The following MYRIP variants were observed in gnomAD, a reference collection of about 807,000 sequenced individuals.
The protein encoded by MYRIP is myosin VIIA and Rab interacting protein.
Under a neutral mutation model 98.0 loss-of-function variants are expected in MYRIP, and 49 were observed. The observed-to-expected ratio is 0.50, with a 90% CI of 0.40 to 0.63. The LOEUF is 0.63. Ranked by LOEUF, MYRIP falls within the 30% of genes least tolerant of loss-of-function variation. The pLI, the probability that MYRIP is intolerant of heterozygous loss-of-function variation, is 0.00. For synonymous variants in MYRIP, 404 were observed against 409.5 expected, an observed-to-expected ratio of 0.99 and a Z score of 0.16; for missense variants, 1,004 against 1,058.2, an observed-to-expected ratio of 0.95 and a Z score of 0.71.
chr3:39,855,167 G>C (rs1025811458), intron 1 of MYRIP, among the ~76,000 whole-genome samples: 2 of 152,200 alleles, frequency 1.3e-5, no homozygotes, highest in African/African-American at 4.8e-5. Flanking sequence ...AAAATTTCTG[G>C]TTAGCCAAGA....
At chr3:39,892,420 C>A (rs536172061) in intron 1 of MYRIP, among the ~76,000 whole-genome samples, 1 of 152,084 alleles carries the variant, frequency 6.6e-6, no homozygotes, top group Non-Finnish European at 1.5e-5. Flanking sequence ...AAGGCAGAGG[C>A]CTTAGGGGTT....
intron 16 of MYRIP, among the ~76,000 whole-genome samples, chr3:40,255,064 TCA>T (rs1365293164): frequency 1.3e-5 from 2 of 152,198 alleles, no homozygotes; most frequent in Non-Finnish European, 2.9e-5. Flanking sequence ...ATAGCTCTAC[TCA>T]CTGCCTTCTC....
At chr3:40,052,694 AT>A (rs1164980040) in intron 3 of MYRIP, among the ~76,000 whole-genome samples, 2 of 152,154 alleles carry the variant, frequency 1.3e-5, no homozygotes, top group Admixed American at 1.3e-4. Context: ...ATGTAAGATA[AT>A]TTTTTAAATG....
At chr3:40,119,698 C>T (rs188408871) in intron 3 of MYRIP, among the ~76,000 whole-genome samples, 14 of 152,062 alleles carry the variant, frequency 9.2e-5, no homozygotes, top group African/African-American at 3.4e-4. Context: ...TGTTCTCATT[C>T]ATAGGTGGGA....
intron 2 of MYRIP, among the ~76,000 whole-genome samples, chr3:40,013,546 GT>G (rs1375699313): frequency 6.6e-6 from 1 of 152,240 alleles, no homozygotes; most frequent in Non-Finnish European, 1.5e-5. Context: ...AACCTCTGTT[GT>G]TTTCTGTGGC....
chr3:39,837,302 C>T (rs867921295), intron 1 of MYRIP, among the ~76,000 whole-genome samples: 2 of 152,138 alleles, frequency 1.3e-5, no homozygotes, highest in Non-Finnish European at 2.9e-5. Flanking sequence ...TGCCTATGTC[C>T]CGAATGGTAC....
In MYRIP at chr3:39,956,372, A is replaced by T. The variant is rs530182245; in HGVS notation, c.110+55446A>T. On this transcript the variant is annotated intron_variant, in intron 2 of 16. Transcript: ENST00000302541. Reference sequence around the variant, plus strand: ...TAAAACTAGAACTCAGGATTAAGAAACTCACTCAAAACAACCCAACTACAT... The same window carrying T: ...TAAAACTAGAACTCAGGATTAAGAATCTCACTCAAAACAACCCAACTACAT... 7.9e-5 allele frequency among the ~76,000 whole-genome samples: 12 copies of T among 152,268 alleles called. No individual in the cohort carries two copies. In the East Asian group the frequency reaches 2.3e-3, roughly 29 times the overall value.
At chr3:40,145,617 T>A (rs543228161) in intron 3 of MYRIP, among the ~76,000 whole-genome samples, 2 of 152,230 alleles carry the variant, frequency 1.3e-5, no homozygotes, top group East Asian at 3.9e-4. Context: ...ACACCATGGG[T>A]GGGAAGTGTA....
intron 2 of MYRIP, among the ~76,000 whole-genome samples, chr3:39,991,436 T>C (rs1184083618): frequency 6.6e-6 from 1 of 152,242 alleles, no homozygotes; most frequent in African/African-American, 2.4e-5. Flanking sequence ...AGTGTTTTTG[T>C]GTGATGTGCT....
chr3:39,981,382 T>C (rs1319807811), intron 2 of MYRIP, among the ~76,000 whole-genome samples: 1 of 152,206 alleles, frequency 6.6e-6, no homozygotes, highest in Non-Finnish European at 1.5e-5. Flanking sequence ...CTGGGCTCTT[T>C]TTACAATTTT....
intron 1 of MYRIP, among the ~76,000 whole-genome samples, chr3:39,842,332 G>T (rs1941828449): frequency 6.6e-6 from 1 of 152,122 alleles, no homozygotes; most frequent in Admixed American, 6.5e-5. Context: ...AGTGTCCCTG[G>T]TCGACTTCAG....
chr3:40,173,406 T>C (rs1162192082), intron 8 of MYRIP: 1 of 152,158 alleles, frequency 6.6e-6, no homozygotes, highest in Admixed American at 6.5e-5. Context: ...GTCATGCATA[T>C]GGTTAAAGCT....
intron 2 of MYRIP, among the ~76,000 whole-genome samples, chr3:40,034,894 T>C (rs957851632): frequency 1.3e-5 from 2 of 151,216 alleles, no homozygotes; most frequent in Non-Finnish European, 2.9e-5. Flanking sequence ...TATGCAGCCA[T>C]AAAAAAGGAT....
intron 11 of MYRIP, among the ~76,000 whole-genome samples, chr3:40,230,447 C>G (rs1312764400): frequency 3.9e-5 from 6 of 152,226 alleles, no homozygotes; most frequent in Admixed American, 3.9e-4. Context: ...GTAGGAGGTG[C>G]TTTTCACTTT....
chr3:40,183,393 G>C (rs765065305), intron 9 of MYRIP, among the ~76,000 whole-genome samples: 11 of 152,206 alleles, frequency 7.2e-5, no homozygotes, highest in Non-Finnish European at 1.3e-4. Flanking sequence ...GGGCAAGTCA[G>C]CTTGCCTCTT....
intron 1 of MYRIP, among the ~76,000 whole-genome samples, chr3:39,881,989 A>G (rs1218433780): frequency 6.6e-6 from 1 of 151,994 alleles, no homozygotes; most frequent in Non-Finnish European, 1.5e-5. Flanking sequence ...GAGAGACAGC[A>G]TAGGAAATGA....
intron 2 of MYRIP, among the ~76,000 whole-genome samples, chr3:39,976,245 GAC>G (rs1032835052): frequency 6.6e-6 from 1 of 152,144 alleles, no homozygotes; most frequent in African/African-American, 2.4e-5. Flanking sequence ...GATATGAACA[GAC>G]ACTTCTCAAA....
chr3:39,938,375 T>A (rs1438875410), intron 2 of MYRIP, among the ~76,000 whole-genome samples: 1 of 152,202 alleles, frequency 6.6e-6, no homozygotes, highest in Non-Finnish European at 1.5e-5. Flanking sequence ...TGATCTATTC[T>A]ACTGTCTGTG....
chr3:39,866,236 T>C (rs540068893), intron 1 of MYRIP, among the ~76,000 whole-genome samples: 109 of 152,184 alleles, frequency 7.2e-4, no homozygotes, highest in African/African-American at 2.4e-3. Context: ...TCAAGTACTG[T>C]GCTGATTACC....
Sources: allele counts gnomAD v4.1 joint callset (sites outside exome capture counted in the v4.1 genomes callset), GRCh38; gene constraint gnomAD v4.1.1; transcripts MANE v1.5; gene names NCBI Gene and HGNC (gene_info 2026-07-23, HGNC 2026-07-21).